Variants in DTNBP1 observed in about 807,000 individuals in gnomAD.
The protein encoded by DTNBP1 is dysbindin.
In DTNBP1, 35 loss-of-function variants were observed where a neutral mutation model predicts 42.8. The ratio of observed to expected loss-of-function variants is 0.82; its 90% confidence interval spans 0.63 to 1.09. The LOEUF (loss-of-function observed/expected upper bound fraction) is 1.09, where lower values mean the gene tolerates loss of function less well. Among genes scored for constraint, DTNBP1 ranks in the 50% least tolerant of loss-of-function variants. The probability of loss-of-function intolerance (pLI) is 0.00; values close to 1 mark genes in which losing one functional copy is unlikely to be tolerated. For synonymous variants in DTNBP1, 171 were observed against 162.2 expected (o/e 1.05, Z -0.41); for missense variants, 457 against 424.2 (o/e 1.08, Z -0.68).
intron 7 of DTNBP1, among the ~76,000 whole-genome samples, chr6:15,567,599 G>C (rs1429107961): frequency 1.3e-5 from 2 of 152,156 alleles, no homozygotes; most frequent in Admixed American, 1.3e-4. Context: ...CGTATGACCT[G>C]TAAGCCCCCT....
At chr6:15,635,700 ATCAAT>A (rs1173931257) in intron 4 of DTNBP1, among the ~76,000 whole-genome samples, 1 of 152,084 alleles carries the variant, frequency 6.6e-6, no homozygotes, top group African/African-American at 2.4e-5. Flanking sequence ...TTCTCTGCCT[ATCAAT>A]TCTTCTTTCA....
At chr6:15,563,013 A>G (rs1774910923) in intron 7 of DTNBP1, among the ~76,000 whole-genome samples, 1 of 152,198 alleles carries the variant, frequency 6.6e-6, no homozygotes, top group Non-Finnish European at 1.5e-5. Context: ...ATTGCTTCAC[A>G]TGGCATAAAT....
intron 7 of DTNBP1, among the ~76,000 whole-genome samples, chr6:15,573,672 A>C (rs1216984715): frequency 6.6e-6 from 1 of 151,740 alleles, no homozygotes; most frequent in African/African-American, 2.4e-5. Flanking sequence ...CAAAAGGAGA[A>C]GCTCTGCTCC....
rs191377714 is a variant in DTNBP1, at chr6:15,523,657, C to T, written c.812-438G>A. The stretch of plus-strand genomic sequence containing the variant: ...TCAGCAGTTCTCCAATTTTATGGAA[C>T]TAAATAGGCTCTTCAAGGAATCAAA... On this transcript the variant is annotated intron_variant, in intron 9 of 9. Transcript: ENST00000344537. 1,298 of 1,286,830 alleles carry T rather than the reference C, an allele frequency of 1.0e-3. 2 individuals are homozygous for T. Among genetic ancestry groups the T allele is most frequent in the Non-Finnish European group, 1.2e-3 (1,188 of 988,862 alleles). The allele number at this position is 1,286,830 out of a possible 1,614,324, so 79.7% of individuals were successfully genotyped here.
chr6:15,580,847 T>C (rs1276515634), intron 7 of DTNBP1, among the ~76,000 whole-genome samples: 1 of 152,214 alleles, frequency 6.6e-6, no homozygotes, highest in Non-Finnish European at 1.5e-5. Flanking sequence ...TAAAAAGCTA[T>C]AGTCACAGTC....
At chr6:15,631,497 C>T (rs898194948) in intron 4 of DTNBP1, among the ~76,000 whole-genome samples, 2 of 152,166 alleles carry the variant, frequency 1.3e-5, no homozygotes, top group African/African-American at 4.8e-5. Context: ...CATATTGATA[C>T]ATATAGGTGT....
chr6:15,576,793 T>A lies in DTNBP1; in HGVS notation c.511+16266A>T, dbSNP rs1244296462. Among the ~76,000 whole-genome samples, 11 of 145,206 alleles carry A rather than the reference T, an allele frequency of 7.6e-5. No individual in the cohort carries two copies. In the East Asian group the frequency reaches 1.6e-3, roughly 21 times the overall value. On this transcript the variant is annotated intron_variant, in intron 7 of 9. Coordinates refer to ENST00000344537, the MANE Select transcript of DTNBP1 (RefSeq NM_032122.5). ...CTAAAAAAAAAAAAAAAAAAAAAGT[T>A]GTGAAAGTGAGGCTCAAATGACTGA...
intron 1 of DTNBP1, among the ~76,000 whole-genome samples, chr6:15,660,048 G>C (rs1470249580): frequency 2.0e-5 from 3 of 152,040 alleles, no homozygotes; most frequent in Admixed American, 6.5e-5. Flanking sequence ...TATCTGATCT[G>C]GATTTGAACA....
At position 15,627,493 on chromosome 6, in the gene DTNBP1, G is replaced by C. The variant is rs377659695; in HGVS notation, c.223-18C>G. 43 of 1,613,438 alleles carry C rather than the reference G, an allele frequency of 2.7e-5. No individual in the cohort carries two copies. Among genetic ancestry groups the C allele is most frequent in the African/African-American group, 2.1e-4 (16 of 74,892 alleles). On this transcript the variant is annotated intron_variant, in intron 4 of 9. Transcript: ENST00000344537. ...TCCACCAGCTGCAGCACACAAGAAG[G>C]GGGGTAAAGTGAAACCAGGTTTTAG...
intron 7 of DTNBP1, among the ~76,000 whole-genome samples, chr6:15,534,317 C>A (rs1207317807): frequency 1.3e-5 from 2 of 152,086 alleles, no homozygotes; most frequent in Non-Finnish European, 2.9e-5. Flanking sequence ...TCTATGTACA[C>A]ATAAAATGGT....
chr6:15,560,271 A>G (rs1581322917), intron 7 of DTNBP1, among the ~76,000 whole-genome samples: 1 of 151,656 alleles, frequency 6.6e-6, no homozygotes, highest in South Asian at 2.1e-4. Flanking sequence ...ATGTCACTGC[A>G]CTCCAGCCTG....
intron 6 of DTNBP1, among the ~76,000 whole-genome samples, chr6:15,603,191 A>G (rs1776796417): frequency 6.6e-6 from 1 of 152,240 alleles, no homozygotes; most frequent in African/African-American, 2.4e-5. Context: ...GTAAGGTGTG[A>G]TTACACATTT....
chr6:15,649,612 C>T (rs1760870720), intron 3 of DTNBP1, among the ~76,000 whole-genome samples: 1 of 152,060 alleles, frequency 6.6e-6, no homozygotes, highest in African/African-American at 2.4e-5. Context: ...CTCAGCACTA[C>T]TAAGCTTAAG....
intron 7 of DTNBP1, among the ~76,000 whole-genome samples, chr6:15,545,830 A>C (rs936682934): frequency 2.6e-5 from 4 of 152,198 alleles, no homozygotes; most frequent in African/African-American, 9.7e-5. Flanking sequence ...CTGCAGGAAC[A>C]AGATGTGTAT....
At chr6:15,634,907 T>C (rs758333980) in intron 4 of DTNBP1, among the ~76,000 whole-genome samples, 93 of 152,208 alleles carry the variant, frequency 6.1e-4, no homozygotes, top group Non-Finnish European at 1.1e-3. Context: ...CTCAGACCCA[T>C]CTTCTAAAAT....
At chr6:15,584,513 G>C (rs1454695981) in intron 7 of DTNBP1, among the ~76,000 whole-genome samples, 1 of 151,882 alleles carries the variant, frequency 6.6e-6, no homozygotes, top group African/African-American at 2.4e-5. Context: ...ATTTTATAAT[G>C]AATTCCTGAG....
intron 7 of DTNBP1, chr6:15,579,870 TGATA>T (rs1371077674): frequency 1.8e-5 from 8 of 455,544 alleles, no homozygotes; most frequent in African/African-American, 8.0e-5. Flanking sequence ...ATGTTTGAGG[TGATA>T]GATATGCTAA....
intron 9 of DTNBP1, chr6:15,524,271 CAA>C (rs1772182726): frequency 6.2e-7 from 1 of 1,604,058 alleles, no homozygotes; most frequent in East Asian, 2.2e-5. Flanking sequence ...GGAAAACAAA[CAA>C]GAAAGCTCTC....
intron 3 of DTNBP1, among the ~76,000 whole-genome samples, chr6:15,648,569 A>C (rs2113800414): frequency 6.6e-6 from 1 of 152,174 alleles, no homozygotes; most frequent in African/African-American, 2.4e-5. Flanking sequence ...ATCAACACAC[A>C]ACAATTAAGT....
Sources: allele counts gnomAD v4.1 joint callset (sites outside exome capture counted in the v4.1 genomes callset), GRCh38; gene constraint gnomAD v4.1.1; transcripts MANE v1.5; gene names NCBI Gene and HGNC (gene_info 2026-07-23, HGNC 2026-07-21).